P2RY6: variants seen among roughly 807,000 people sequenced by gnomAD.
P2RY6 encodes the protein P2Y purinoceptor 6.
Under a neutral mutation model 16.3 loss-of-function variants are expected in P2RY6, and 19 were observed. That is an observed-to-expected ratio of 1.16 (90% CI 0.81 to 1.71). The LOEUF (loss-of-function observed/expected upper bound fraction) is 1.71, where lower values mean the gene tolerates loss of function less well. Ranked by LOEUF, P2RY6 falls within the 40% of genes most tolerant of loss-of-function variation. The probability of loss-of-function intolerance (pLI) is 0.00; values close to 1 mark genes in which losing one functional copy is unlikely to be tolerated. For synonymous variants in P2RY6, 184 were observed against 201.5 expected (o/e 0.91, Z 0.74); for missense variants, 389 against 455.5 (o/e 0.85, Z 1.33).
chr11:73,290,365 A>AAGAAAGAAAGAG (rs1491403769), intron 1 of P2RY6, among the ~76,000 whole-genome samples: 1 of 102,346 alleles, frequency 9.8e-6, no homozygotes, highest in Non-Finnish European at 2.1e-5. Context: ...GAAAGAAAGA[A>AAGAAAGAAAGAG]GGAAAGAAAG....
At chr11:73,272,186 G>A (rs1434581349), upstream of P2RY6, 3 of 189,454 alleles carry the variant, frequency 1.6e-5, no homozygotes, top group Non-Finnish European at 2.9e-5. Context: ...CTTGCGGGCA[G>A]CTGGGTAGAG....
At chr11:73,275,099 G>A (rs994529915) in intron 1 of P2RY6, among the ~76,000 whole-genome samples, 1 of 152,198 alleles carries the variant, frequency 6.6e-6, no homozygotes, top group East Asian at 1.9e-4. Flanking sequence ...GCGTAGGCTG[G>A]GTCAGTGGCT....
rs1265575652 is a variant in P2RY6, at chr11:73,279,052, T to TC, written c.-121+6586_-121+6587insC. Among the ~76,000 whole-genome samples the TC allele has an allele frequency of 5.9e-5, 9 of 152,232 alleles. No individual in the cohort carries two copies. The East Asian group carries it at 1.7e-3, about 29-fold the overall frequency. On this transcript the variant is annotated intron_variant, in intron 1 of 2. Coordinates refer to ENST00000540124, the MANE Select transcript of P2RY6 (RefSeq NM_001277204.2). ...TATTTCCTAGGTTGGCCTTTTTTTT[T>TC]TTTTTTAATAATAGCCATCCTAATG...
chr11:73,283,555 C>T (rs900304043), intron 1 of P2RY6, among the ~76,000 whole-genome samples: 4 of 152,160 alleles, frequency 2.6e-5, no homozygotes, highest in Admixed American at 1.3e-4. Flanking sequence ...GTTTTCTCCC[C>T]GAGGCCTGTG....
At position 73,297,462 on chromosome 11, in the gene P2RY6, T is replaced by G. The variant is rs760191570; in HGVS notation, c.944T>G (p.Leu315Arg). The G allele has an allele frequency of 6.2e-7, 1 of 1,611,690 alleles. No homozygotes were observed. The highest frequency in any genetic ancestry group is 8.5e-7 in the Non-Finnish European group (1 of 1,179,022). The change falls in exon 3 of 3, where the codon CTC becomes CGC. Residue 315 changes from leucine to arginine, a missense_variant. Physicochemically the swap from Leu to Arg is moderately radical, Grantham distance 102. Coordinates refer to ENST00000540124, the MANE Select transcript of P2RY6 (RefSeq NM_001277204.2). ...QKKFRRRPHE[L>R]LQKLTAKWQR... is the part of the protein sequence containing the mutation. ...AAGTTCCGCCGGCGACCACATGAGC[T>G]CCTACAGAAACTCACAGCCAAATGG...
chr11:73,297,093 A>G lies in P2RY6; in HGVS notation c.575A>G (p.Tyr192Cys), dbSNP rs1449690843. The change falls in exon 3 of 3, where the codon TAT (tyrosine) becomes TGT (cysteine). Residue 192 changes from tyrosine (Y) to cysteine (C), a missense_variant. Transcript: ENST00000540124. The stretch of plus-strand genomic sequence containing the variant: ...GCCCTGGCCACCCACTATATGCCCT[A>G]TGGCATGGCTCTCACTGTCATCGGC... Reference protein sequence around the residue: ...PPALATHYMPYGMALTVIGFL... With the variant: ...PPALATHYMPCGMALTVIGFL... The G allele has an allele frequency of 1.2e-6, 2 of 1,603,308 alleles. No homozygotes were observed. Among genetic ancestry groups the G allele is most frequent in the Admixed American group, 1.7e-5 (1 of 60,030 alleles).
chr11:73,278,454 G>T (rs1374027088), intron 1 of P2RY6, among the ~76,000 whole-genome samples: 1 of 152,086 alleles, frequency 6.6e-6, no homozygotes. Flanking sequence ...ATGAGCCACC[G>T]TGCCCAGCCC....
intron 1 of P2RY6, among the ~76,000 whole-genome samples, chr11:73,277,116 ATT>A (rs11354080): frequency 1.9e-4 from 27 of 145,878 alleles, no homozygotes; most frequent in African/African-American, 4.5e-4. Flanking sequence ...AGAAATACAG[ATT>A]TTTTTTTTTT....
chr11:73,269,394 T>G (rs1029989685), upstream of P2RY6, among the ~76,000 whole-genome samples: 3 of 152,204 alleles, frequency 2.0e-5, no homozygotes, highest in African/African-American at 7.2e-5. Flanking sequence ...TGTAACTGCT[T>G]TTATTCCTGG....
At position 73,296,551 on chromosome 11, in the gene P2RY6, G is replaced by C. The variant is rs763483615; in HGVS notation, c.33G>C (p.Leu11=). 19 of 1,614,156 alleles carry C rather than the reference G, an allele frequency of 1.2e-5. No individual in the cohort carries two copies. The South Asian group carries it at 2.1e-4, about 18-fold the overall frequency. The change falls in exon 3 of 3, where the codon CTG becomes CTC. Residue 11 remains leucine, a synonymous_variant. Coordinates refer to ENST00000540124, the MANE Select transcript of P2RY6 (RefSeq NM_001277204.2). ...GGGACAATGGCACAGGCCAGGCTCT[G>C]GGCTTGCCACCCACCACCTGTGTCT... MEWDNGTGQA[L]GLPPTTCVYR... is the part of the protein sequence containing the mutation.
At chr11:73,293,167 GT>G (rs1317243223) in intron 1 of P2RY6, among the ~76,000 whole-genome samples, 1 of 152,226 alleles carries the variant, frequency 6.6e-6, no homozygotes, top group Non-Finnish European at 1.5e-5. Flanking sequence ...ATGGAGATTA[GT>G]TGAATGGCAT....
chr11:73,289,103 G>C (rs1032043858), intron 1 of P2RY6, among the ~76,000 whole-genome samples: 1 of 152,254 alleles, frequency 6.6e-6, no homozygotes, highest in Non-Finnish European at 1.5e-5. Flanking sequence ...GGGGATTGGG[G>C]AGGCTGTGGG....
chr11:73,280,541 TC>T (rs1357891762), intron 1 of P2RY6, among the ~76,000 whole-genome samples: 1 of 152,140 alleles, frequency 6.6e-6, no homozygotes, highest in Non-Finnish European at 1.5e-5. Context: ...TGTGGAACCA[TC>T]CCTCCATGCC....
intron 1 of P2RY6, among the ~76,000 whole-genome samples, chr11:73,278,343 A>G (rs192406319): frequency 5.0e-4 from 76 of 152,190 alleles, no homozygotes; most frequent in African/African-American, 1.8e-3. Flanking sequence ...TATTTTTAGT[A>G]GAGACGGAGT....
intron 1 of P2RY6, among the ~76,000 whole-genome samples, chr11:73,288,850 C>T (rs577982290): frequency 4.1e-4 from 62 of 152,336 alleles, no homozygotes; most frequent in Non-Finnish European, 5.7e-4. Flanking sequence ...GGGAAGGAAG[C>T]GAACTCTTGA....
At position 73,297,330 on chromosome 11, in the gene P2RY6, TC is replaced by T. The variant is rs779580266; in HGVS notation, c.816del (p.Cys273AlafsTer86). 1 of 1,610,886 alleles carries T rather than the reference TC, an allele frequency of 6.2e-7. No homozygotes were observed. Among genetic ancestry groups the T allele is most frequent in the Non-Finnish European group, 8.5e-7 (1 of 1,178,872 alleles). ...AYLAVRSTPG[V>X]PCTVLEAFAA... ...CTGGCAGTGCGCTCGACGCCGGGCGTCCCCTGCACTGTATTGGAGGCCTTTG... is the reference window on the plus strand; with the variant it reads ...CTGGCAGTGCGCTCGACGCCGGGCGTCCCTGCACTGTATTGGAGGCCTTTG... On this transcript the variant is annotated frameshift_variant, in exon 3 of 3. Transcript: ENST00000540124. LOFTEE classifies it high-confidence loss of function.
intron 1 of P2RY6, among the ~76,000 whole-genome samples, chr11:73,277,209 G>C (rs1863574177): frequency 6.6e-6 from 1 of 151,962 alleles, no homozygotes; most frequent in African/African-American, 2.4e-5. Flanking sequence ...TGCCTCCCAG[G>C]TTCAAGCGAT....
chr11:73,290,062 A>C (rs1004823678), intron 1 of P2RY6, among the ~76,000 whole-genome samples: 23 of 151,992 alleles, frequency 1.5e-4, no homozygotes, highest in African/African-American at 5.3e-4. Context: ...TCTGTACTAA[A>C]AGTACAAAAT....
intron 1 of P2RY6, among the ~76,000 whole-genome samples, chr11:73,276,398 CA>C (rs1863538369): frequency 6.6e-6 from 1 of 152,126 alleles, no homozygotes; most frequent in Non-Finnish European, 1.5e-5. Flanking sequence ...ATTTAAAACA[CA>C]AAAACTTCTA....
Sources: gnomAD v4.1 joint callset for allele counts (sites outside exome capture counted in the v4.1 genomes callset) on GRCh38, gnomAD v4.1.1 for gene constraint, MANE v1.5 for transcripts, NCBI Gene and HGNC (gene_info 2026-07-23, HGNC 2026-07-21) for gene names.